AKAP7: variants seen among roughly 807,000 people sequenced by gnomAD.
AKAP7 encodes A-kinase anchoring protein 7, also known as A kinase (PRKA) anchor protein 7.
A neutral mutation model predicts 39.5 loss-of-function variants in AKAP7; 39 were observed. The ratio of observed to expected loss-of-function variants is 0.99; its 90% CI spans 0.76 to 1.29. The LOEUF is 1.29. AKAP7 is among the 50% of genes most tolerant of loss of function. The pLI, the probability that AKAP7 is intolerant of heterozygous loss-of-function variation, is 0.00. For missense variants in AKAP7, 414 were observed against 407.7 expected (o/e 1.02, Z -0.13); for synonymous variants, 140 against 139.1 (o/e 1.01, Z -0.05).
chr6:131,147,522 T>G (rs1230062639), intron 2 of AKAP7, among the ~76,000 whole-genome samples: 1 of 152,272 alleles, frequency 6.6e-6, no homozygotes, highest in Non-Finnish European at 1.5e-5. Flanking sequence ...TGAAGAATTT[T>G]CATACCTGTT....
intron 5 of AKAP7, among the ~76,000 whole-genome samples, chr6:131,197,905 C>G (rs1005220818): frequency 3.3e-5 from 5 of 152,124 alleles, no homozygotes; most frequent in Non-Finnish European, 7.4e-5. Context: ...GGAGCCCACA[C>G]TATTTATTGG....
intron 6 of AKAP7, among the ~76,000 whole-genome samples, chr6:131,206,641 T>C (rs183737571): frequency 1.3e-5 from 2 of 152,314 alleles, no homozygotes; most frequent in Non-Finnish European, 2.9e-5. Context: ...AAAGTTTCTA[T>C]ACTAGGTTGG....
At chr6:131,165,608 C>A (rs1010731502) in intron 4 of AKAP7, among the ~76,000 whole-genome samples, 1 of 152,140 alleles carries the variant, frequency 6.6e-6, no homozygotes, top group African/African-American at 2.4e-5. Context: ...CCAATACATG[C>A]AAGAGCTCTT....
intron 6 of AKAP7, among the ~76,000 whole-genome samples, chr6:131,214,819 T>C (rs1420605752): frequency 1.3e-5 from 2 of 152,240 alleles, no homozygotes; most frequent in African/African-American, 4.8e-5. Context: ...ATTAATATTC[T>C]TAGAATTTTA....
chr6:131,194,063 T>C (rs1585058206), intron 5 of AKAP7, among the ~76,000 whole-genome samples: 1 of 152,104 alleles, frequency 6.6e-6, no homozygotes, highest in African/African-American at 2.4e-5. Context: ...ATATTTATTA[T>C]CTCTTCTACT....
chr6:131,226,957 A>T (rs1170112624), intron 7 of AKAP7, among the ~76,000 whole-genome samples: 1 of 152,246 alleles, frequency 6.6e-6, no homozygotes, highest in Non-Finnish European at 1.5e-5. Flanking sequence ...TATAAGACAC[A>T]GTCCTTAAGA....
intron 7 of AKAP7, among the ~76,000 whole-genome samples, chr6:131,231,295 A>G (rs973107434): frequency 2.6e-5 from 4 of 152,162 alleles, no homozygotes; most frequent in Non-Finnish European, 4.4e-5. Flanking sequence ...AATCATCATT[A>G]TGTGAAATAG....
intron 5 of AKAP7, among the ~76,000 whole-genome samples, chr6:131,177,240 ACT>A (rs1202899375): frequency 6.6e-6 from 1 of 152,176 alleles, no homozygotes; most frequent in African/African-American, 2.4e-5. Flanking sequence ...ATAACAGAAT[ACT>A]TGAGGCTGGG....
upstream of AKAP7, among the ~76,000 whole-genome samples, chr6:131,131,995 C>A (rs1363390245): frequency 6.6e-6 from 1 of 152,016 alleles, no homozygotes; most frequent in Non-Finnish European, 1.5e-5. Flanking sequence ...TTGACAGAAC[C>A]AGTTAATATT....
At position 131,171,640 on chromosome 6, in the gene AKAP7, T is replaced by C. The variant is rs186418443; in HGVS notation, c.589+2367T>C. Among the ~76,000 whole-genome samples, 102 of 152,214 alleles carry C rather than the reference T, an allele frequency of 6.7e-4. 1 individual carries two copies. The highest frequency in any genetic ancestry group is 5.6e-3 in the South Asian group (27 of 4,818). ...GGAAAGTTTAATAAGCAGCATGTAA[T>C]GGGGTTGCAGAGCAATGCAGAAGCT... On this transcript the variant is annotated intron_variant, in intron 5 of 7. Transcript: ENST00000431975.
At position 131,268,385 on chromosome 6, in the gene AKAP7, AT is replaced by A. The variant is rs568496053; in HGVS notation, c.851-13142del. Among the ~76,000 whole-genome samples the A allele has an allele frequency of 1.7e-3, 256 of 152,316 alleles. 1 individual carries two copies. Among genetic ancestry groups the A allele is most frequent in the African/African-American group, 6.0e-3 (251 of 41,572 alleles). ...CTGTAAGTGGGAAGAATGACACTTA[AT>A]TTACCTCTTAAGGTTTCTGTGATAA... On this transcript the variant is annotated intron_variant, in intron 7 of 7. Transcript: ENST00000431975.
At chr6:131,165,047 G>T in intron 3 of AKAP7, 34 bp from the exon 4 acceptor site, 1 of 1,494,962 alleles carries the variant, frequency 6.7e-7, no homozygotes, top group Non-Finnish European at 8.9e-7. Context: ...CCTAATCACT[G>T]GAATTTTTTT....
chr6:131,130,981 G>A (rs947907725), upstream of AKAP7, among the ~76,000 whole-genome samples: 3 of 152,330 alleles, frequency 2.0e-5, no homozygotes, highest in Admixed American at 6.5e-5. Flanking sequence ...ACATTTAGAT[G>A]TTAAAGTTAA....
chr6:131,229,807 T>A (rs1585134821), intron 7 of AKAP7, among the ~76,000 whole-genome samples: 1 of 152,344 alleles, frequency 6.6e-6, no homozygotes, highest in Middle Eastern at 3.4e-3. Context: ...GAACTTTCCA[T>A]TACTCCTCAA....
chr6:131,237,826 A>G (rs1326157115), intron 7 of AKAP7, among the ~76,000 whole-genome samples: 3 of 152,224 alleles, frequency 2.0e-5, no homozygotes, highest in East Asian at 1.9e-4. Context: ...CTAGCAGTCT[A>G]TCAATTTTGT....
intron 6 of AKAP7, among the ~76,000 whole-genome samples, chr6:131,203,915 A>G (rs1260758924): frequency 6.6e-6 from 1 of 152,170 alleles, no homozygotes; most frequent in African/African-American, 2.4e-5. Context: ...CAAAGAACCA[A>G]TTCTTTGAAG....
At chr6:131,236,060 C>G (rs1487583789) in intron 7 of AKAP7, among the ~76,000 whole-genome samples, 2 of 152,146 alleles carry the variant, frequency 1.3e-5, no homozygotes, top group Non-Finnish European at 2.9e-5. Flanking sequence ...AGTCTTTAAT[C>G]CAACTTGAAT....
chr6:131,143,169 T>C (rs186337452), intron 1 of AKAP7, among the ~76,000 whole-genome samples: 1 of 152,266 alleles, frequency 6.6e-6, no homozygotes, highest in Non-Finnish European at 1.5e-5. Flanking sequence ...TGGGGGACTA[T>C]TGGGAAGAGA....
Position 131,145,246 on chromosome 6 carries a change from TTAAA to T in AKAP7, c.20-35_20-32del, listed in dbSNP as rs772056031. The T allele has an allele frequency of 4.2e-5, 55 of 1,305,812 alleles. 2 individuals carry two copies. The South Asian group carries it at 7.7e-4, about 18-fold the overall frequency. 80.9% of individuals were successfully genotyped at this position (1,305,812 alleles called of 1,614,324 possible). A position where few individuals can be genotyped will look rare whatever the true frequency, so the allele number is the denominator to read the frequency against. On this transcript the variant is annotated intron_variant, in intron 1 of 7. Transcript: ENST00000431975. ...TAGGATATGTTTAAATAATGACAAGTTAAATAATCCTTTTTTTTCTGTTTGTGAT... is the reference window on the plus strand; with the variant it reads ...TAGGATATGTTTAAATAATGACAAGTTAATCCTTTTTTTTCTGTTTGTGAT...
Sources: allele counts gnomAD v4.1 joint callset (sites outside exome capture counted in the v4.1 genomes callset), GRCh38; gene constraint gnomAD v4.1.1; transcripts MANE v1.5; gene names NCBI Gene and HGNC (gene_info 2026-07-23, HGNC 2026-07-21).